EFCAB6: variants seen among roughly 807,000 people sequenced by gnomAD.
The protein encoded by EFCAB6 is EF-hand calcium binding domain 6.
A neutral mutation model predicts 169.8 loss-of-function variants in EFCAB6; 156 were observed. The ratio of observed to expected loss-of-function variants is 0.92; its 90% CI spans 0.81 to 1.05. The LOEUF is 1.05. EFCAB6 is among the 50% of genes least tolerant of loss of function. The probability of loss-of-function intolerance (pLI) is 0.00; values close to 1 mark genes in which losing one functional copy is unlikely to be tolerated. For synonymous variants in EFCAB6, 698 were observed against 676.4 expected, an observed-to-expected ratio of 1.03 and a Z score of -0.50; for missense variants, 1,800 against 1,829.1, an observed-to-expected ratio of 0.98 and a Z score of 0.29.
At chr22:43,659,724 C>T (rs946843145) in intron 17 of EFCAB6, among the ~76,000 whole-genome samples, 3 of 152,174 alleles carry the variant, frequency 2.0e-5, no homozygotes, top group East Asian at 1.9e-4. Flanking sequence ...AGATTAGGGT[C>T]GTGTCCCCAA....
chr22:43,757,014 A>C (rs187863429), intron 5 of EFCAB6, among the ~76,000 whole-genome samples: 1 of 152,110 alleles, frequency 6.6e-6, no homozygotes, highest in Non-Finnish European at 1.5e-5. Flanking sequence ...CAGGCTCGTG[A>C]GTCTGTGGGC....
At chr22:43,623,069 C>T (rs1402515461) in intron 20 of EFCAB6, among the ~76,000 whole-genome samples, 121 of 152,208 alleles carry the variant, frequency 7.9e-4, no homozygotes, top group Non-Finnish European at 4.4e-5. Context: ...GACAGAACAG[C>T]ACTCTAGATT....
intron 26 of EFCAB6, among the ~76,000 whole-genome samples, chr22:43,570,877 C>T (rs1189915132): frequency 6.6e-6 from 1 of 152,232 alleles, no homozygotes. Flanking sequence ...AGCCCCAGGC[C>T]TTCTGCACAG....
intron 5 of EFCAB6, among the ~76,000 whole-genome samples, chr22:43,758,478 A>G (rs2061036936): frequency 6.6e-6 from 1 of 152,232 alleles, no homozygotes; most frequent in African/African-American, 2.4e-5. Context: ...AAATTAATAT[A>G]TTTATCCTCC....
At chr22:43,583,396 A>C (rs999527836) in intron 24 of EFCAB6, among the ~76,000 whole-genome samples, 1 of 151,808 alleles carries the variant, frequency 6.6e-6, no homozygotes, top group Non-Finnish European at 1.5e-5. Flanking sequence ...TTTCAGATAA[A>C]GTCTCTTTTA....
intron 24 of EFCAB6, among the ~76,000 whole-genome samples, chr22:43,583,914 C>A (rs1383435777): frequency 6.6e-6 from 1 of 152,064 alleles, no homozygotes; most frequent in Non-Finnish European, 1.5e-5. Context: ...TGATTTTCAG[C>A]AATTGGTGTA....
At chr22:43,809,534 C>T (rs1221040430) in intron 1 of EFCAB6, among the ~76,000 whole-genome samples, 1 of 152,196 alleles carries the variant, frequency 6.6e-6, no homozygotes, top group East Asian at 1.9e-4. Flanking sequence ...TACTCACTAC[C>T]ATTTATCAGC....
At position 43,673,652 on chromosome 22, in the gene EFCAB6, C is replaced by T. The variant is rs146752993; in HGVS notation, c.1420-1347G>A. On this transcript the variant is annotated intron_variant, in intron 13 of 31. Coordinates refer to ENST00000262726, the MANE Select transcript of EFCAB6 (RefSeq NM_022785.4). ...AAAATTAGCTGGGTGTGGTGGTGTGCGCCTATAATCCCAGCTACTCGGGAG... is the reference window on the plus strand; with the variant it reads ...AAAATTAGCTGGGTGTGGTGGTGTGTGCCTATAATCCCAGCTACTCGGGAG... Among the ~76,000 whole-genome samples, 1,081 of 152,032 alleles carry T rather than the reference C, an allele frequency of 7.1e-3. 12 individuals carry two copies. Among genetic ancestry groups the T allele is most frequent in the Non-Finnish European group, 0.011 (730 of 67,984 alleles).
At chr22:43,582,678 G>A (rs183666096) in intron 24 of EFCAB6, among the ~76,000 whole-genome samples, 14 of 152,216 alleles carry the variant, frequency 9.2e-5, no homozygotes, top group African/African-American at 2.9e-4. Flanking sequence ...ATGGTAGATC[G>A]CAGACCTAGA....
chr22:43,800,947 A>T (rs117628393), intron 2 of EFCAB6, among the ~76,000 whole-genome samples: 95 of 152,354 alleles, frequency 6.2e-4, no homozygotes, highest in Non-Finnish European at 1.2e-3. Flanking sequence ...AAAACCTTCC[A>T]AGACTTGAGA....
intron 17 of EFCAB6, among the ~76,000 whole-genome samples, chr22:43,647,812 G>A (rs1323495231): frequency 6.6e-6 from 1 of 152,214 alleles, no homozygotes; most frequent in Non-Finnish European, 1.5e-5. Context: ...TTGGAGCAAC[G>A]CAGCTACAGG....
intron 6 of EFCAB6, among the ~76,000 whole-genome samples, chr22:43,738,324 ATAT>A (rs768317628): frequency 7.3e-5 from 11 of 151,586 alleles, no homozygotes; most frequent in Non-Finnish European, 1.6e-4. Context: ...TCACACATAT[ATAT>A]TCACACACAC....
At chr22:43,534,951 G>A in intron 29 of EFCAB6, 79 bp from the exon 30 acceptor site, 2 of 1,453,192 alleles carry the variant, frequency 1.4e-6, no homozygotes, top group Non-Finnish European at 1.9e-6. Context: ...AACACTTGCT[G>A]AGACACCTTC....
intron 4 of EFCAB6, among the ~76,000 whole-genome samples, chr22:43,769,342 T>C (rs992529634): frequency 2.0e-5 from 3 of 152,118 alleles, no homozygotes; most frequent in African/African-American, 7.2e-5. Flanking sequence ...GGAAAGGAAA[T>C]GGAGAGTAAC....
At chr22:43,555,126 T>C (rs201558732) in intron 26 of EFCAB6, 30 bp from the exon 27 acceptor site, 57 of 1,611,358 alleles carry the variant, frequency 3.5e-5, no homozygotes, top group Non-Finnish European at 4.5e-5. Flanking sequence ...AATTGATCCA[T>C]GTGAGAAATA....
intron 17 of EFCAB6, among the ~76,000 whole-genome samples, chr22:43,651,124 A>T (rs1017295435): frequency 3.9e-5 from 6 of 152,212 alleles, no homozygotes; most frequent in African/African-American, 1.4e-4. Context: ...CAATGGTGAA[A>T]ATGTCTCCAG....
At chr22:43,778,891 T>A (rs984026557) in intron 3 of EFCAB6, among the ~76,000 whole-genome samples, 3 of 123,082 alleles carry the variant, frequency 2.4e-5, no homozygotes, top group Non-Finnish European at 5.6e-5. Context: ...CTGGCATTAC[T>A]TTTTTTTTTT....
intron 8 of EFCAB6, among the ~76,000 whole-genome samples, chr22:43,731,338 AG>A (rs1224500548): frequency 6.6e-6 from 1 of 152,244 alleles, no homozygotes; most frequent in Admixed American, 6.5e-5. Context: ...AAAATACAGA[AG>A]CAACAGAAAG....
At chr22:43,634,411 C>T (rs2055219230) in intron 18 of EFCAB6, among the ~76,000 whole-genome samples, 1 of 152,086 alleles carries the variant, frequency 6.6e-6, no homozygotes, top group Non-Finnish European at 1.5e-5. Context: ...GGAAACTCAC[C>T]ACCTCACACG....
Sources: allele counts gnomAD v4.1 joint callset (sites outside exome capture counted in the v4.1 genomes callset), GRCh38; gene constraint gnomAD v4.1.1; transcripts MANE v1.5; gene names NCBI Gene and HGNC (gene_info 2026-07-23, HGNC 2026-07-21).